The following PKDCC variants were observed in gnomAD, a reference collection of about 807,000 sequenced individuals.
The protein encoded by PKDCC is extracellular tyrosine-protein kinase PKDCC.
Under a neutral mutation model 44.7 loss-of-function variants are expected in PKDCC, and 35 were observed. The observed-to-expected ratio is 0.78, with a 90% CI of 0.60 to 1.04. PKDCC has a LOEUF of 1.04. Ranked by LOEUF, PKDCC falls within the 50% of genes least tolerant of loss-of-function variation. PKDCC has a pLI of 0.00. For missense variants in PKDCC, 738 were observed against 672.7 expected, an observed-to-expected ratio of 1.10 and a Z score of -1.07; for synonymous variants, 353 against 303.3, an observed-to-expected ratio of 1.16 and a Z score of -1.70.
intron 2 of PKDCC, chr2:42,053,608 G>T: frequency 1.8e-6 from 1 of 557,742 alleles, no homozygotes; most frequent in East Asian, 3.1e-5. Context: ...GCTTGTGGGG[G>T]CTGGCACCTT....
At position 42,048,937 on chromosome 2, in the gene PKDCC, G is replaced by T; in HGVS notation, c.639+99G>T. 1 of 1,344,566 alleles carries T rather than the reference G, an allele frequency of 7.4e-7. No individual in the cohort carries two copies. The highest frequency in any genetic ancestry group is 2.0e-5 in the South Asian group (1 of 49,368). The allele number at this position is 1,344,566 out of a possible 1,614,324, so 83.3% of individuals were successfully genotyped here. On this transcript the variant is annotated intron_variant, in intron 1 of 6. Coordinates refer to ENST00000294964, the MANE Select transcript of PKDCC (RefSeq NM_138370.3). The surrounding 1 kb of genome is among the most constrained non-coding windows in gnomAD (Gnocchi z 6.2). ...GAACCCCTTGATCTGGAGTGCCAGTGACTGCACCCAGGCTAAGCTAGACGC... is the reference window on the plus strand; with the variant it reads ...GAACCCCTTGATCTGGAGTGCCAGTTACTGCACCCAGGCTAAGCTAGACGC...
In PKDCC at chr2:42,055,541, G is replaced by C. The variant is rs988590511; in HGVS notation, c.1222+148G>C. The C allele has an allele frequency of 3.1e-6, 2 of 643,208 alleles. No homozygotes were observed. The highest frequency in any genetic ancestry group is 3.7e-5 in the African/African-American group (2 of 54,502). 39.8% of individuals were successfully genotyped at this position (643,208 alleles called of 1,614,324 possible). A position where few individuals can be genotyped will look rare whatever the true frequency, so the allele number is the denominator to read the frequency against. On this transcript the variant is annotated intron_variant, in intron 5 of 6. Coordinates refer to ENST00000294964, the MANE Select transcript of PKDCC (RefSeq NM_138370.3). This position sits in a 1 kb window ranked among gnomAD's most constrained non-coding sequence, Gnocchi z 4.5. Reference sequence around the variant, plus strand: ...AGGGGCTCACATAGAATCATGGAGGGGCTGACATGGACTAATTTGAGGTTC... The same window carrying C: ...AGGGGCTCACATAGAATCATGGAGGCGCTGACATGGACTAATTTGAGGTTC...
chr2:42,056,434 T>A (rs1668058477), intron 5 of PKDCC, among the ~76,000 whole-genome samples: 1 of 152,094 alleles, frequency 6.6e-6, no homozygotes, highest in Admixed American at 6.5e-5. Flanking sequence ...GCCTCTTAAC[T>A]TCAAAAACCC....
rs772243421 is a variant in PKDCC at position 42,053,307 on chromosome 2, C to T, written c.708C>T (p.Gly236=). ...CCCTGACCACCATCACGGAGCTGGG[C>T]GCCCCTGTAGAAATGATCCAGCTGC... The part of the protein sequence containing the change: ...PDTLTTITEL[G]APVEMIQLLQ... The change falls in exon 2 of 7, where the codon GGC becomes GGT. Residue 236 remains glycine (G), a synonymous_variant. Coordinates refer to ENST00000294964, the MANE Select transcript of PKDCC (RefSeq NM_138370.3). The T allele has an allele frequency of 5.6e-6, 9 of 1,613,614 alleles. No individual in the cohort carries two copies. Among genetic ancestry groups the T allele is most frequent in the South Asian group, 1.1e-5 (1 of 91,052 alleles).
rs775351392 is a variant in PKDCC, at chr2:42,051,649, C to G, written c.640-1590C>G. On this transcript the variant is annotated intron_variant, in intron 1 of 6. Coordinates refer to ENST00000294964, the MANE Select transcript of PKDCC (RefSeq NM_138370.3). This position sits in a 1 kb window ranked among gnomAD's most constrained non-coding sequence, Gnocchi z 4.2. ...AGAACCAGGCCCCAGGGCTGTTCCC[C>G]TTACCTTCCCCCCACCCCACCAGGG... Among the ~76,000 whole-genome samples the G allele has an allele frequency of 2.1e-4, 32 of 152,150 alleles. No individual in the cohort carries two copies. Among genetic ancestry groups the G allele is most frequent in the South Asian group, 6.2e-4 (3 of 4,828 alleles).
chr2:42,051,205 T>C lies in PKDCC; in HGVS notation c.640-2034T>C, dbSNP rs1228931766. On this transcript the variant is annotated intron_variant, in intron 1 of 6. Coordinates refer to ENST00000294964, the MANE Select transcript of PKDCC (RefSeq NM_138370.3). This position sits in a 1 kb window ranked among gnomAD's most constrained non-coding sequence, Gnocchi z 4.2. The stretch of plus-strand genomic sequence containing the variant: ...ATGGGGATTGCCTGGGCGAGATCTT[T>C]CTATCCATTTTCTTTGACCCCTCCC... 1.3e-5 allele frequency among the ~76,000 whole-genome samples: 2 copies of C among 151,896 alleles called. No homozygotes were observed.
At position 42,055,492 on chromosome 2, in the gene PKDCC, A is replaced by T. The variant is rs13401037; in HGVS notation, c.1222+99A>T. The stretch of plus-strand genomic sequence containing the variant: ...TAAGTGGCTCACCCTTTCTCTGGGG[A>T]CCCTTGTCTCCAAAGGCCACTGTAG... On this transcript the variant is annotated intron_variant, in intron 5 of 6. Coordinates refer to ENST00000294964, the MANE Select transcript of PKDCC (RefSeq NM_138370.3). This position sits in a 1 kb window ranked among gnomAD's most constrained non-coding sequence, Gnocchi z 4.5. 260,091 of 1,030,822 alleles carry T rather than the reference A, an allele frequency of 0.25. 36,371 individuals are homozygous for T. The highest frequency in any genetic ancestry group is 0.42 in the African/African-American group (26,140 of 62,954). 63.9% of individuals were successfully genotyped at this position (1,030,822 alleles called of 1,614,324 possible).
chr2:42,054,373 G>A lies in PKDCC; in HGVS notation c.1034+66G>A. 4 of 1,517,836 alleles carry A rather than the reference G, an allele frequency of 2.6e-6. No homozygotes were observed. Among genetic ancestry groups the A allele is most frequent in the Non-Finnish European group, 3.5e-6 (4 of 1,127,210 alleles). 94.0% of individuals were successfully genotyped at this position (1,517,836 alleles called of 1,614,324 possible). A position where few individuals can be genotyped will look rare whatever the true frequency, so the allele number is the denominator to read the frequency against. On this transcript the variant is annotated intron_variant, in intron 3 of 6. Coordinates refer to ENST00000294964, the MANE Select transcript of PKDCC (RefSeq NM_138370.3). The surrounding 1 kb of genome is among the most constrained non-coding windows in gnomAD (Gnocchi z 6.1). ...ATGGGCCAGGAGGGCATGGCAGGAA[G>A]AGAGCCAACGTGGAGGCCAGCTGGG...
chr2:42,052,189 G>A lies in PKDCC; in HGVS notation c.640-1050G>A, dbSNP rs1458020380. On this transcript the variant is annotated intron_variant, in intron 1 of 6. Transcript: ENST00000294964. The surrounding 1 kb of genome is among the most constrained non-coding windows in gnomAD (Gnocchi z 4.3). ...CCCCAAAAGAACTGATCTTCCAGGAGGAATCATCACTCACTACCACCCCCA... is the reference window on the plus strand; with the variant it reads ...CCCCAAAAGAACTGATCTTCCAGGAAGAATCATCACTCACTACCACCCCCA... Among the ~76,000 whole-genome samples the A allele has an allele frequency of 6.6e-6, 1 of 152,052 alleles. No homozygotes were observed. The highest frequency in any genetic ancestry group is 6.6e-5 in the Admixed American group (1 of 15,266).
chr2:42,054,023 T>G lies in PKDCC; in HGVS notation c.763-13T>G, dbSNP rs767104597. ...GAGAAAAGCAGTGAGCAGTCTTTTC[T>G]TGTGCCCCTCAGATCTGCCTGAGCC... is the stretch of plus-strand genomic sequence containing the variant. On this transcript the variant is annotated splice_polypyrimidine_tract_variant and intron_variant, in intron 2 of 6. Coordinates refer to ENST00000294964, the MANE Select transcript of PKDCC (RefSeq NM_138370.3). This position sits in a 1 kb window ranked among gnomAD's most constrained non-coding sequence, Gnocchi z 6.1. 3 of 1,606,272 alleles carry G rather than the reference T, an allele frequency of 1.9e-6. No individual in the cohort carries two copies. Among genetic ancestry groups the G allele is most frequent in the East Asian group, 2.2e-5 (1 of 44,728 alleles).
intron 2 of PKDCC, 109 bp downstream of exon 2, chr2:42,053,470 A>C (rs1278305883): frequency 1.4e-6 from 2 of 1,427,490 alleles, no homozygotes; most frequent in South Asian, 1.4e-5. Context: ...AGGGAGAGGG[A>C]GGGGAGGAAG....
rs55771746 is a variant in PKDCC at position 42,055,353 on chromosome 2, C to T, written c.1182C>T (p.Ser394=). The T allele has an allele frequency of 4.8e-4, 773 of 1,613,696 alleles. 7 individuals carry two copies. In the East Asian group the frequency reaches 0.016, roughly 34 times the overall value. ...QLEKVLHLYR[S]GQYLQNSTAS... ...AGAAGGTGCTGCACCTGTACCGGAGCGGGCAGTATCTGCAGAACTCCACGG... is the reference window on the plus strand; with the variant it reads ...AGAAGGTGCTGCACCTGTACCGGAGTGGGCAGTATCTGCAGAACTCCACGG... The change falls in exon 5 of 7, where the codon AGC becomes AGT. Residue 394 remains serine (S), a synonymous_variant. Transcript: ENST00000294964. The surrounding 1 kb of genome is among the most constrained non-coding windows in gnomAD (Gnocchi z 4.5).
chr2:42,057,207 T>TCC lies in PKDCC; in HGVS notation c.1223-11_1223-10dup. 1 of 1,613,574 alleles carries TCC rather than the reference T, an allele frequency of 6.2e-7. No homozygotes were observed. The highest frequency in any genetic ancestry group is 8.5e-7 in the Non-Finnish European group (1 of 1,179,596). On this transcript the variant is annotated splice_polypyrimidine_tract_variant and intron_variant, in intron 5 of 6. Transcript: ENST00000294964. ...CATACAGAATTCTCATTTTACTCCA[T>TCC]CCCCAACCCACAGAGTACCAGTGTA...
chr2:42,048,491 C>A lies in PKDCC; in HGVS notation c.292C>A (p.Pro98Thr). 1 of 1,046,846 alleles carries A rather than the reference C, an allele frequency of 9.6e-7. No individual in the cohort carries two copies. 64.8% of individuals were successfully genotyped at this position (1,046,846 alleles called of 1,614,324 possible). ...MDLAPGGPGLPRPRPPWARPL... is the reference protein window; with the variant it reads ...MDLAPGGPGLTRPRPPWARPL... The stretch of plus-strand genomic sequence containing the variant: ...CCTGGCTCCGGGCGGGCCCGGCCTG[C>A]CGCGCCCCCGGCCCCCTTGGGCCCG... The change falls in exon 1 of 7, where the codon CCG becomes ACG. Residue 98 changes from proline to threonine, a missense_variant. Transcript: ENST00000294964. The surrounding 1 kb of genome is among the most constrained non-coding windows in gnomAD (Gnocchi z 6.2).
rs1668074420 is a variant in PKDCC at position 42,057,346 on chromosome 2, C to T, written c.1348C>T (p.His450Tyr). Residue 450 changes from histidine (H) to tyrosine (Y), a missense_variant, in exon 6 of 7, where the codon CAT (histidine) becomes TAT (tyrosine). Coordinates refer to ENST00000294964, the MANE Select transcript of PKDCC (RefSeq NM_138370.3). ...TGAGGCTGTGGATGTCTGTGAGAGC[C>T]ATGCCCAGTGTCGGGCCTTTGTGGT... is the stretch of plus-strand genomic sequence containing the variant. ...LAEAVDVCES[H>Y]AQCRAFVVTN... The T allele has an allele frequency of 5.0e-6, 8 of 1,614,204 alleles. No homozygotes were observed. The highest frequency in any genetic ancestry group is 2.2e-5 in the South Asian group (2 of 91,088).
Position 42,055,562 on chromosome 2 carries a change from G to A in PKDCC, c.1222+169G>A, listed in dbSNP as rs1044903351. On this transcript the variant is annotated intron_variant, in intron 5 of 6. Coordinates refer to ENST00000294964, the MANE Select transcript of PKDCC (RefSeq NM_138370.3). This position sits in a 1 kb window ranked among gnomAD's most constrained non-coding sequence, Gnocchi z 4.5. Reference sequence around the variant, plus strand: ...GAGGGGCTGACATGGACTAATTTGAGGTTCCATCTCTAGCTGAGCTAGAGC... The same window carrying A: ...GAGGGGCTGACATGGACTAATTTGAAGTTCCATCTCTAGCTGAGCTAGAGC... 1.1e-5 allele frequency: 7 copies of A among 611,328 alleles called. No individual in the cohort carries two copies. The Admixed American group carries it at 1.2e-4, about 10-fold the overall frequency. The allele number at this position is 611,328 out of a possible 1,614,324, so 37.9% of individuals were successfully genotyped here. A position where few individuals can be genotyped will look rare whatever the true frequency, so the allele number is the denominator to read the frequency against.
At position 42,053,297 on chromosome 2, in the gene PKDCC, C is replaced by T. The variant is rs746047258; in HGVS notation, c.698C>T (p.Thr233Met). ...EDIPDTLTTI[T>M]ELGAPVEMIQ... ...ATCCCAGACACCCTGACCACCATCA[C>T]GGAGCTGGGCGCCCCTGTAGAAATG... Residue 233 changes from threonine (T) to methionine (M), a missense_variant, in exon 2 of 7, where the codon ACG (threonine) becomes ATG (methionine). Thr to Met is a moderately conservative substitution (Grantham distance 81). Transcript: ENST00000294964. The T allele has an allele frequency of 7.4e-6, 12 of 1,612,900 alleles. No homozygotes were observed. The highest frequency in any genetic ancestry group is 1.3e-5 in the African/African-American group (1 of 74,848).
Position 42,054,310 on chromosome 2 carries a change from G to A in PKDCC, c.1034+3G>A. 1 of 1,595,546 alleles carries A rather than the reference G, an allele frequency of 6.3e-7. No homozygotes were observed. Among genetic ancestry groups the A allele is most frequent in the South Asian group, 1.1e-5 (1 of 88,708 alleles). On this transcript the variant is annotated splice_donor_region_variant and intron_variant, in intron 3 of 6. Transcript: ENST00000294964. The surrounding 1 kb of genome is among the most constrained non-coding windows in gnomAD (Gnocchi z 6.1). ...CGGAACCTCTATAATGCCTACAGGT[G>A]ACCTCCACCCCTGACTCGGGAACTC... is the stretch of plus-strand genomic sequence containing the variant.
rs2103921658 is a variant in PKDCC at position 42,048,229 on chromosome 2, G to C, written c.30G>C (p.Ala10=). The change falls in exon 1 of 7, where the codon GCG becomes GCC. Residue 10 remains alanine (A), a synonymous_variant. Transcript: ENST00000294964. The surrounding 1 kb of genome is among the most constrained non-coding windows in gnomAD (Gnocchi z 6.2). MRRRRAAVA[A]GFCASFLLGS... is the part of the protein sequence containing the mutation. Reference sequence around the variant, plus strand: ...GGCGCCGGCGGGCGGCAGTGGCCGCGGGTTTCTGCGCCTCCTTCCTGCTGG... The same window carrying C: ...GGCGCCGGCGGGCGGCAGTGGCCGCCGGTTTCTGCGCCTCCTTCCTGCTGG... 1 of 1,248,518 alleles carries C rather than the reference G, an allele frequency of 8.0e-7. No homozygotes were observed. Among genetic ancestry groups the C allele is most frequent in the South Asian group, 1.9e-5 (1 of 51,652 alleles). 77.3% of individuals were successfully genotyped at this position (1,248,518 alleles called of 1,614,324 possible).
Sources: gnomAD v4.1 joint callset for allele counts (sites outside exome capture counted in the v4.1 genomes callset) on GRCh38, gnomAD v4.1.1 for gene constraint, Gnocchi (gnomAD v3.1) non-coding constraint, MANE v1.5 for transcripts, NCBI Gene and HGNC (gene_info 2026-07-23, HGNC 2026-07-21) for gene names.